The following ORC1 variants were observed in gnomAD, a reference collection of about 807,000 sequenced individuals.
ORC1 encodes origin recognition complex subunit 1.
In ORC1, 61 loss-of-function variants were observed where a neutral mutation model predicts 98.9. That is an observed-to-expected ratio of 0.62 (90% CI 0.50 to 0.76). ORC1 has a LOEUF of 0.76. Ranked by LOEUF, ORC1 falls within the 30% of genes least tolerant of loss-of-function variation. ORC1 has a pLI of 0.00. For synonymous variants in ORC1, 385 were observed against 406.9 expected, an observed-to-expected ratio of 0.95 and a Z score of 0.65; for missense variants, 979 against 1,072.2, an observed-to-expected ratio of 0.91 and a Z score of 1.21.
chr1:52,380,515 G>A (rs1245092912), intron 14 of ORC1, among the ~76,000 whole-genome samples: 1 of 152,138 alleles, frequency 6.6e-6, no homozygotes, highest in African/African-American at 2.4e-5. Context: ...GGCCAACATG[G>A]CAAAACCCCA....
chr1:52,380,418 G>A (rs1379907346), intron 14 of ORC1, among the ~76,000 whole-genome samples: 3 of 152,238 alleles, frequency 2.0e-5, no homozygotes, highest in Non-Finnish European at 2.9e-5. Flanking sequence ...GGCATTGGCC[G>A]AGCGCAGTGG....
rs1647374242 is a variant in ORC1, at chr1:52,396,000, C to G, written c.721+46G>C. 1.9e-6 allele frequency: 3 copies of G among 1,613,596 alleles called. No homozygotes were observed. In the African/African-American group the frequency reaches 4.0e-5, roughly 22 times the overall value. On this transcript the variant is annotated intron_variant, in intron 5 of 16. Coordinates refer to ENST00000371568, the MANE Select transcript of ORC1 (RefSeq NM_004153.4). ...ATAAATTATCATTTTTATCACATAA[C>G]CCTTTAGCCCCAGTATTGCCCACGG...
Position 52,401,535 on chromosome 1 carries a change from T to C in ORC1, c.96-46A>G, listed in dbSNP as rs1647709110. 6 of 1,609,056 alleles carry C rather than the reference T, an allele frequency of 3.7e-6. No homozygotes were observed. In the East Asian group the frequency reaches 1.3e-4, roughly 36 times the overall value. Reference sequence around the variant, plus strand: ...ACATTAGGAAATAACTTAAAGTGGGTCAAGCTCTTCAGATCCCCTGGGCAC... The same window carrying C: ...ACATTAGGAAATAACTTAAAGTGGGCCAAGCTCTTCAGATCCCCTGGGCAC... On this transcript the variant is annotated intron_variant, in intron 2 of 16. Coordinates refer to ENST00000371568, the MANE Select transcript of ORC1 (RefSeq NM_004153.4).
Position 52,383,947 on chromosome 1 carries a change from G to C in ORC1, c.1756-10C>G. On this transcript the variant is annotated splice_polypyrimidine_tract_variant and intron_variant, in intron 11 of 16. Coordinates refer to ENST00000371568, the MANE Select transcript of ORC1 (RefSeq NM_004153.4). ...TTTGGCCTGTTAGCTTCTGCATTAGGAGAAACACAGTTGTGAGGAACTGTA... is the reference window on the plus strand; with the variant it reads ...TTTGGCCTGTTAGCTTCTGCATTAGCAGAAACACAGTTGTGAGGAACTGTA... 1 of 1,610,276 alleles carries C rather than the reference G, an allele frequency of 6.2e-7. No homozygotes were observed. The highest frequency in any genetic ancestry group is 8.5e-7 in the Non-Finnish European group (1 of 1,176,450).
At chr1:52,387,497 G>A (rs757820453) in intron 8 of ORC1, among the ~76,000 whole-genome samples, 20 of 152,114 alleles carry the variant, frequency 1.3e-4, no homozygotes, top group Non-Finnish European at 2.1e-4. Flanking sequence ...TCACTCTGTC[G>A]CCCAGGCTAG....
chr1:52,388,099 C>T (rs1318692247), intron 8 of ORC1, among the ~76,000 whole-genome samples: 1 of 152,170 alleles, frequency 6.6e-6, no homozygotes, highest in Non-Finnish European at 1.5e-5. Flanking sequence ...ACTAACACCA[C>T]AGCTCGGTGG....
At chr1:52,408,241 AAAAAT>A (rs1161807108), upstream of ORC1, 4 of 393,094 alleles carry the variant, frequency 1.0e-5, no homozygotes, top group Admixed American at 3.2e-5. Context: ...CTCTGCCTTA[AAAAAT>A]AAAATAAAAT....
chr1:52,404,812 G>A, upstream of ORC1: 4 of 1,614,204 alleles, frequency 2.5e-6, no homozygotes, highest in Non-Finnish European at 3.4e-6. Context: ...AATATCTGGT[G>A]GAGAAGATCA....
At chr1:52,378,704 G>A (rs1322533217) in intron 14 of ORC1, among the ~76,000 whole-genome samples, 2 of 151,524 alleles carry the variant, frequency 1.3e-5, no homozygotes, top group Admixed American at 6.6e-5. Flanking sequence ...ACTCTAAAAG[G>A]AAGGGAAGCA....
At position 52,396,185 on chromosome 1, in the gene ORC1, A is replaced by G; in HGVS notation, c.582T>C (p.Ser194=). Residue 194 remains serine, a synonymous_variant, in exon 5 of 17, where the codon AGT becomes AGC. Coordinates refer to ENST00000371568, the MANE Select transcript of ORC1 (RefSeq NM_004153.4). ...AKCQKPVRAK[S]KSAESPSWTP... The stretch of plus-strand genomic sequence containing the variant: ...TCCAAGAAGGGCTCTCTGCACTCTT[A>G]CTCTTGGCTCTCACGGGTTTCTGGC... 6.2e-7 allele frequency: 1 copy of G among 1,613,782 alleles called. No individual in the cohort carries two copies. Among genetic ancestry groups the G allele is most frequent in the Non-Finnish European group, 8.5e-7 (1 of 1,179,972 alleles).
upstream of ORC1, chr1:52,408,555 C>T (rs566919788): frequency 6.2e-7 from 1 of 1,614,040 alleles, no homozygotes; most frequent in Non-Finnish European, 8.5e-7. Context: ...GTTTCACTGT[C>T]ATCTGTCTCT....
chr1:52,397,804 C>T lies in ORC1; in HGVS notation c.283G>A (p.Val95Ile). ...AACAAATGCCGTTTACAGGCAGGGA[C>T]TTCACAGAATCGGACAAACCACTGT... ...RVQWFVRFCE[V>I]PACKRHLLGR... Residue 95 changes from valine to isoleucine, a missense_variant, in exon 4 of 17, where the codon GTC becomes ATC. Coordinates refer to ENST00000371568, the MANE Select transcript of ORC1 (RefSeq NM_004153.4). The T allele has an allele frequency of 3.1e-6, 5 of 1,614,206 alleles. No individual in the cohort carries two copies. In the South Asian group the frequency reaches 3.3e-5, roughly 11 times the overall value.
rs1448111989 is a variant in ORC1 at position 52,393,616 on chromosome 1, A to G, written c.909T>C (p.Tyr303=). The change falls in exon 6 of 17, where the codon TAT becomes TAC. Residue 303 remains tyrosine, a synonymous_variant. Coordinates refer to ENST00000371568, the MANE Select transcript of ORC1 (RefSeq NM_004153.4). ...GTGAAGCCTTCTTGTCATCCTCAGT[A>G]TAAGAGAGTCCAGTCTCTCTGGTTT... is the stretch of plus-strand genomic sequence containing the variant. ...PEKTRETGLS[Y]TEDDKKASPE... The G allele has an allele frequency of 1.1e-5, 18 of 1,614,074 alleles. No homozygotes were observed. The highest frequency in any genetic ancestry group is 1.5e-5 in the Non-Finnish European group (18 of 1,180,032).
Position 52,393,799 on chromosome 1 carries a change from T to C in ORC1, c.726A>G (p.Leu242=). 6.2e-7 allele frequency: 1 copy of C among 1,612,648 alleles called. No individual in the cohort carries two copies. The highest frequency in any genetic ancestry group is 8.5e-7 in the Non-Finnish European group (1 of 1,180,004). The change falls in exon 6 of 17, where the codon TTA becomes TTG. Residue 242 remains leucine (L), a synonymous_variant. Transcript: ENST00000371568. ...TCTGCTGGGACATCTGAGGGTTACC[T>C]AAGTCTAAGAGAAATCATCACAATG... The part of the protein sequence containing the change: ...RARKRLELGN[L]GNPQMSQQTS...
chr1:52,386,986 AT>A (rs1480137757), intron 8 of ORC1, among the ~76,000 whole-genome samples: 1 of 152,196 alleles, frequency 6.6e-6, no homozygotes, highest in Non-Finnish European at 1.5e-5. Context: ...ACATTTATTA[AT>A]TTTGGAGAAA....
intron 5 of ORC1, among the ~76,000 whole-genome samples, chr1:52,395,489 TA>T (rs1202447833): frequency 6.6e-6 from 1 of 151,902 alleles, no homozygotes; most frequent in Admixed American, 6.6e-5. Context: ...AAAAATTAAA[TA>T]AAAAAAGGGA....
intron 6 of ORC1, among the ~76,000 whole-genome samples, chr1:52,390,901 G>GAAAAAAAAAA (rs112674214): frequency 9.1e-5 from 7 of 77,324 alleles, no homozygotes; most frequent in South Asian, 5.3e-4. Context: ...TCCAAAAAAA[G>GAAAAAAAAAA]AAAAAAAAAA....
intron 1 of ORC1, among the ~76,000 whole-genome samples, chr1:52,402,765 C>A (rs909184578): frequency 1.3e-5 from 2 of 152,150 alleles, no homozygotes; most frequent in African/African-American, 4.8e-5. Context: ...GAAACCCCGT[C>A]TCTACTAAAA....
In ORC1 at chr1:52,375,413, G is replaced by C; in HGVS notation, c.2303+17C>G. 6.2e-7 allele frequency: 1 copy of C among 1,613,102 alleles called. No individual in the cohort carries two copies. ...TCTACAGCCTTCCAGGAAGGCTCAG[G>C]AAGTGGAGCATCTTACTTGATGGCC... On this transcript the variant is annotated intron_variant, in intron 15 of 16. Transcript: ENST00000371568.
Sources: allele counts gnomAD v4.1 joint callset (sites outside exome capture counted in the v4.1 genomes callset), GRCh38; gene constraint gnomAD v4.1.1; transcripts MANE v1.5; gene names NCBI Gene and HGNC (gene_info 2026-07-23, HGNC 2026-07-21).